The following RELN variants were observed in gnomAD, a reference collection of about 807,000 sequenced individuals.
RELN encodes reelin.
In RELN, 108 loss-of-function variants were observed where a neutral mutation model predicts 427.6. That is an observed-to-expected ratio of 0.25 (90% confidence interval 0.22 to 0.30). The LOEUF is 0.30. Among genes scored for constraint, RELN ranks in the 10% least tolerant of loss-of-function variants. The probability of loss-of-function intolerance (pLI) is 1.00; values close to 1 mark genes in which losing one functional copy is unlikely to be tolerated. For synonymous variants in RELN, 1,524 were observed against 1,513.4 expected (o/e 1.01, Z -0.16); for missense variants, 3,715 against 4,302.8 (o/e 0.86, Z 3.82).
At chr7:103,540,878 G>A (rs362752) in intron 43 of RELN, among the ~76,000 whole-genome samples, 1,655 of 152,302 alleles carry the variant, frequency 0.011, 25 homozygotes, top group African/African-American at 0.038. Context: ...AATTAATGTA[G>A]TGTATGCCAT....
intron 51 of RELN, among the ~76,000 whole-genome samples, chr7:103,503,971 C>T (rs111442354): frequency 8.1e-4 from 122 of 151,312 alleles, no homozygotes; most frequent in African/African-American, 2.8e-3. Flanking sequence ...TTTGGGAGGC[C>T]GAGACGGGTG....
intron 62 of RELN, 145 bp from the exon 63 acceptor site, chr7:103,483,116 G>A: frequency 1.4e-6 from 1 of 723,832 alleles, no homozygotes; most frequent in Non-Finnish European, 2.4e-6. Flanking sequence ...TTAGGTCATA[G>A]TATTCTTCTG....
At chr7:103,687,962 T>A (rs984308061) in intron 10 of RELN, among the ~76,000 whole-genome samples, 1 of 152,124 alleles carries the variant, frequency 6.6e-6, no homozygotes, top group African/African-American at 2.4e-5. Flanking sequence ...TTGGGGGGAA[T>A]TGTGAAAAGC....
At position 103,573,382 on chromosome 7, in the gene RELN, C is replaced by T. The variant is rs1462872114; in HGVS notation, c.4511+710G>A. ...AGTCAGTACGATGTAAATTATGCCTCAGTCCATAGCGACTGACAGAGAGTA... is the reference window on the plus strand; with the variant it reads ...AGTCAGTACGATGTAAATTATGCCTTAGTCCATAGCGACTGACAGAGAGTA... On this transcript the variant is annotated intron_variant, in intron 30 of 64. Coordinates refer to ENST00000428762, the MANE Select transcript of RELN (RefSeq NM_005045.4). This position sits in a 1 kb window ranked among gnomAD's most constrained non-coding sequence, Gnocchi z 4.4. Among the ~76,000 whole-genome samples, 1 of 152,190 alleles carries T rather than the reference C, an allele frequency of 6.6e-6. No individual in the cohort carries two copies. Among genetic ancestry groups the T allele is most frequent in the African/African-American group, 2.4e-5 (1 of 41,448 alleles).
intron 3 of RELN, among the ~76,000 whole-genome samples, chr7:103,815,986 G>C (rs1792859455): frequency 6.6e-6 from 1 of 152,082 alleles, no homozygotes; most frequent in Admixed American, 6.6e-5. Context: ...TATACGTCAA[G>C]TCCTCTAAAA....
At chr7:103,656,162 G>T (rs17154030) in intron 12 of RELN, among the ~76,000 whole-genome samples, 15 of 151,834 alleles carry the variant, frequency 9.9e-5, no homozygotes, top group South Asian at 2.1e-4. Context: ...TTCATCTCCC[G>T]CAATGCAACA....
At chr7:103,549,953 C>T (rs1312862626) in intron 41 of RELN, among the ~76,000 whole-genome samples, 1 of 152,216 alleles carries the variant, frequency 6.6e-6, no homozygotes, top group Non-Finnish European at 1.5e-5. Flanking sequence ...TCAGCTCCAT[C>T]TATTCCTATG....
intron 6 of RELN, among the ~76,000 whole-genome samples, chr7:103,728,680 ACT>A (rs1331153613): frequency 1.3e-5 from 2 of 152,146 alleles, no homozygotes; most frequent in African/African-American, 4.8e-5. Context: ...TTACATAAAA[ACT>A]TGTATCTCTG....
intron 3 of RELN, among the ~76,000 whole-genome samples, chr7:103,797,335 C>A (rs1293092741): frequency 6.6e-6 from 1 of 152,166 alleles, no homozygotes. Flanking sequence ...GAACTCCCAA[C>A]CTCAGGTGAT....
At chr7:103,547,974 C>T (rs996072524) in intron 41 of RELN, among the ~76,000 whole-genome samples, 1 of 152,186 alleles carries the variant, frequency 6.6e-6, no homozygotes, top group African/African-American at 2.4e-5. Flanking sequence ...TGGTGAATGT[C>T]AGCATCTGTT....
rs992814769 is a variant in RELN, at chr7:103,640,081, G to A, written c.2069+462C>T. Among the ~76,000 whole-genome samples the A allele has an allele frequency of 5.9e-5, 9 of 152,038 alleles. No individual in the cohort carries two copies. Among genetic ancestry groups the A allele is most frequent in the African/African-American group, 1.9e-4 (8 of 41,404 alleles). ...AATGATTTTCAAAAGTAAACAAGAC[G>A]CTTAAGTTATATTTAAAGATGATGA... On this transcript the variant is annotated intron_variant, in intron 17 of 64. Transcript: ENST00000428762. This position sits in a 1 kb window ranked among gnomAD's most constrained non-coding sequence, Gnocchi z 4.1.
chr7:103,920,566 G>GTTTTTT (rs1563092030), intron 1 of RELN, among the ~76,000 whole-genome samples: 4 of 114,684 alleles, frequency 3.5e-5, no homozygotes, highest in African/African-American at 1.4e-4. Flanking sequence ...ACCAGTCTTT[G>GTTTTTT]GTTTTTTTTT....
intron 6 of RELN, among the ~76,000 whole-genome samples, chr7:103,734,010 A>G (rs567867815): frequency 6.6e-6 from 1 of 152,182 alleles, no homozygotes; most frequent in Non-Finnish European, 1.5e-5. Context: ...GAAAAGTTCT[A>G]TGAGTTCCTA....
At chr7:103,537,279 T>A (rs771858933) in intron 45 of RELN, among the ~76,000 whole-genome samples, 2 of 152,210 alleles carry the variant, frequency 1.3e-5, no homozygotes, top group Non-Finnish European at 2.9e-5. Context: ...TGCCACATAG[T>A]GCAACTCTAC....
intron 2 of RELN, among the ~76,000 whole-genome samples, chr7:103,867,591 T>C (rs945393379): frequency 2.0e-5 from 3 of 151,930 alleles, no homozygotes; most frequent in Non-Finnish European, 4.4e-5. Flanking sequence ...AGAAGAAAAA[T>C]CAGTATTCTT....
intron 1 of RELN, among the ~76,000 whole-genome samples, chr7:103,973,896 A>G (rs1330099425): frequency 6.6e-6 from 1 of 152,232 alleles, no homozygotes; most frequent in African/African-American, 2.4e-5. Flanking sequence ...TAATCCCAGC[A>G]CTTTGGGACG....
intron 38 of RELN, among the ~76,000 whole-genome samples, chr7:103,554,268 C>T (rs1418650860): frequency 1.3e-5 from 2 of 151,812 alleles, no homozygotes; most frequent in African/African-American, 4.8e-5. Flanking sequence ...CTTGTCAGTA[C>T]TTTGTATATT....
At chr7:103,715,631 T>C (rs1789918334) in intron 8 of RELN, among the ~76,000 whole-genome samples, 1 of 152,216 alleles carries the variant, frequency 6.6e-6, no homozygotes. Flanking sequence ...CCTCCCTGCT[T>C]GTGCCTTTCT....
chr7:103,585,376 A>C (rs949579586), intron 28 of RELN, among the ~76,000 whole-genome samples: 1 of 152,164 alleles, frequency 6.6e-6, no homozygotes, highest in East Asian at 1.9e-4. Flanking sequence ...GTGACATTAC[A>C]ACTGGTATCA....
Sources: gnomAD v4.1 joint callset for allele counts (sites outside exome capture counted in the v4.1 genomes callset) on GRCh38, gnomAD v4.1.1 for gene constraint, Gnocchi (gnomAD v3.1) non-coding constraint, MANE v1.5 for transcripts, NCBI Gene and HGNC (gene_info 2026-07-23, HGNC 2026-07-21) for gene names.